The following RPS6KC1 variants were observed in gnomAD, a reference collection of about 807,000 sequenced individuals.
The protein encoded by RPS6KC1 is ribosomal protein S6 kinase C1, also known as inactive ribosomal protein S6 kinase delta-1.
In RPS6KC1, 54 loss-of-function variants were observed where a neutral mutation model predicts 103.8. That is an observed-to-expected ratio of 0.52 (90% confidence interval 0.42 to 0.65). The LOEUF is 0.65. Among genes scored for constraint, RPS6KC1 ranks in the 30% least tolerant of loss-of-function variants. The pLI is 0.00. For missense variants in RPS6KC1, 1,151 were observed against 1,253.8 expected (o/e 0.92, Z 1.24); for synonymous variants, 439 against 438.7 (o/e 1.00, Z -0.01).
chr1:213,793,209 G>A, the RPS6KC1 span, among the ~76,000 whole-genome samples: 1 of 152,156 alleles, frequency 6.6e-6, no homozygotes, highest in Admixed American at 6.5e-5. Flanking sequence ...CGCAGCTGAA[G>A]TAAGTATAGA....
At chr1:213,457,832 A>G in the RPS6KC1 span, among the ~76,000 whole-genome samples, 1 of 152,204 alleles carries the variant, frequency 6.6e-6, no homozygotes, top group Non-Finnish European at 1.5e-5. Context: ...TCTGAGACCC[A>G]TGTGCTTCCC....
intron 12 of RPS6KC1, among the ~76,000 whole-genome samples, chr1:213,259,412 A>G (rs1054067164): frequency 6.6e-6 from 1 of 152,180 alleles, no homozygotes; most frequent in Admixed American, 6.5e-5. Flanking sequence ...ATACAAAAAA[A>G]ATTAACTGGG....
At chr1:213,141,855 G>A (rs1315765646) in intron 6 of RPS6KC1, among the ~76,000 whole-genome samples, 1 of 150,848 alleles carries the variant, frequency 6.6e-6, no homozygotes, top group Non-Finnish European at 1.5e-5. Flanking sequence ...TAGTTTTGTT[G>A]GGTGGAGTGT....
At chr1:213,170,549 A>T (rs892984133) in intron 7 of RPS6KC1, among the ~76,000 whole-genome samples, 25 of 152,252 alleles carry the variant, frequency 1.6e-4, no homozygotes, top group Non-Finnish European at 4.4e-5. Flanking sequence ...TTACACTGGT[A>T]AGAGCCATCC....
intron 14 of RPS6KC1, among the ~76,000 whole-genome samples, chr1:213,270,207 C>A (rs1490951776): frequency 6.6e-6 from 1 of 152,084 alleles, no homozygotes; most frequent in Admixed American, 6.6e-5. Flanking sequence ...TAACAAATGG[C>A]ACTGGGAAAT....
chr1:213,855,466 G>T, the RPS6KC1 span, among the ~76,000 whole-genome samples: 1 of 152,118 alleles, frequency 6.6e-6, no homozygotes, highest in African/African-American at 2.4e-5. Context: ...GGCTAGATGT[G>T]CTCCTTCTGC....
At chr1:213,348,132 C>G in the RPS6KC1 span, among the ~76,000 whole-genome samples, 1 of 152,080 alleles carries the variant, frequency 6.6e-6, no homozygotes, top group Non-Finnish European at 1.5e-5. Flanking sequence ...AACATGAGAA[C>G]CAACCGGGGA....
At chr1:213,443,705 T>C in the RPS6KC1 span, among the ~76,000 whole-genome samples, 4 of 151,904 alleles carry the variant, frequency 2.6e-5, no homozygotes, top group Non-Finnish European at 2.9e-5. Flanking sequence ...TGCTTGAGCC[T>C]AGGAGTTTGC....
the RPS6KC1 span, among the ~76,000 whole-genome samples, chr1:213,736,080 C>T: frequency 3.9e-5 from 6 of 152,228 alleles, no homozygotes; most frequent in East Asian, 7.7e-4. Flanking sequence ...GGACAGTAAC[C>T]ATGCCCTGGA....
At chr1:213,434,147 T>C in the RPS6KC1 span, among the ~76,000 whole-genome samples, 31 of 151,980 alleles carry the variant, frequency 2.0e-4, no homozygotes, top group African/African-American at 7.2e-4. Context: ...TTAACATTTA[T>C]ACTGTTCTCC....
At chr1:213,422,247 G>T in the RPS6KC1 span, among the ~76,000 whole-genome samples, 3 of 152,148 alleles carry the variant, frequency 2.0e-5, no homozygotes. Flanking sequence ...AAATCATACA[G>T]TATATGTCCT....
intron 5 of RPS6KC1, among the ~76,000 whole-genome samples, chr1:213,118,416 A>T (rs1171700195): frequency 6.6e-6 from 1 of 152,152 alleles, no homozygotes. Context: ...AAGGTAAAAT[A>T]ATAAACTAAA....
At chr1:213,117,271 T>G in intron 4 of RPS6KC1, 46 bp from the exon 5 acceptor site, 3 of 1,123,542 alleles carry the variant, frequency 2.7e-6, no homozygotes, top group Non-Finnish European at 4.0e-6. Flanking sequence ...TTAGTGTTGT[T>G]TATGCTCTTA....
intron 11 of RPS6KC1, 133 bp downstream of exon 11, chr1:213,242,430 C>A: frequency 8.8e-7 from 1 of 1,142,626 alleles, no homozygotes; most frequent in Non-Finnish European, 1.3e-6. Flanking sequence ...AATTCACCCC[C>A]AGTAATAGCT....
the RPS6KC1 span, among the ~76,000 whole-genome samples, chr1:213,643,174 C>T: frequency 7.3e-5 from 11 of 151,010 alleles, no homozygotes; most frequent in East Asian, 1.2e-3. Context: ...TTCTTTCATA[C>T]GAATTTTAAA....
chr1:213,690,444 G>T, the RPS6KC1 span, among the ~76,000 whole-genome samples: 1 of 152,078 alleles, frequency 6.6e-6, no homozygotes. Context: ...CATTTCATTC[G>T]GTAGTTACCA....
the RPS6KC1 span, among the ~76,000 whole-genome samples, chr1:213,362,738 G>A: frequency 7.9e-5 from 12 of 152,338 alleles, no homozygotes; most frequent in African/African-American, 2.9e-4. Context: ...TGAGGGTGTT[G>A]TTGGGTGAGA....
At chr1:213,388,726 AAGG>A in the RPS6KC1 span, among the ~76,000 whole-genome samples, 2 of 152,076 alleles carry the variant, frequency 1.3e-5, no homozygotes, top group Non-Finnish European at 2.9e-5. Context: ...AGGGCAGGAG[AAGG>A]AGGAGGAGAT....
intron 3 of RPS6KC1, among the ~76,000 whole-genome samples, chr1:213,091,876 G>A (rs1242277674): frequency 6.6e-6 from 1 of 151,394 alleles, no homozygotes; most frequent in African/African-American, 2.4e-5. Flanking sequence ...AAAAATTATT[G>A]TTCTCAAGGG....
Sources: allele counts gnomAD v4.1 joint callset (sites outside exome capture counted in the v4.1 genomes callset), GRCh38; gene constraint gnomAD v4.1.1; transcripts MANE v1.5; gene names NCBI Gene and HGNC (gene_info 2026-07-23, HGNC 2026-07-21).